The following PCDHA12 variants were observed in gnomAD, a reference collection of about 807,000 sequenced individuals.
PCDHA12 encodes the protein protocadherin alpha 12.
PCDHA12 carries 44 observed loss-of-function variants against 60.0 expected under a neutral mutation model. That is an observed-to-expected ratio of 0.73 (90% CI 0.58 to 0.94). The LOEUF (loss-of-function observed/expected upper bound fraction) is 0.94, where lower values mean the gene tolerates loss of function less well. Ranked by LOEUF, PCDHA12 falls within the 40% of genes least tolerant of loss-of-function variation. The pLI, the probability that PCDHA12 is intolerant of heterozygous loss-of-function variation, is 0.00. For missense variants in PCDHA12, 1,276 were observed against 1,239.7 expected, an observed-to-expected ratio of 1.03 and a Z score of -0.44; for synonymous variants, 569 against 553.0, an observed-to-expected ratio of 1.03 and a Z score of -0.40.
chr5:140,881,505 CACAT>C (rs2058738073), intron 1 of PCDHA12: 1 of 242,822 alleles, frequency 4.1e-6, no homozygotes, highest in African/African-American at 2.3e-5. Flanking sequence ...TACACACACT[CACAT>C]ACAAAATCCC....
At chr5:140,978,799 A>C (rs2096824173) in intron 1 of PCDHA12, 150 bp from the exon 2 acceptor site, 2 of 1,479,066 alleles carry the variant, frequency 1.4e-6, no homozygotes, top group East Asian at 4.9e-5. Flanking sequence ...ATATATGTAG[A>C]TATCATCATA....
intron 1 of PCDHA12, among the ~76,000 whole-genome samples, chr5:140,920,717 G>A (rs1042476401): frequency 1.3e-5 from 2 of 152,044 alleles, no homozygotes; most frequent in African/African-American, 2.4e-5. Flanking sequence ...GGTGGTGTGC[G>A]CCTGCAGTCC....
intron 1 of PCDHA12, among the ~76,000 whole-genome samples, chr5:140,919,973 A>T (rs1554199334): frequency 7.5e-6 from 1 of 133,994 alleles, no homozygotes; most frequent in Non-Finnish European, 1.7e-5. Context: ...TAAATAAGAG[A>T]TAGAAGATGG....
intron 1 of PCDHA12, chr5:140,929,617 A>C: frequency 2.5e-6 from 1 of 401,992 alleles, no homozygotes; most frequent in Non-Finnish European, 4.5e-6. Context: ...AAATACCAAA[A>C]TATTTTATAA....
At chr5:140,903,403 C>T (rs2070268499) in intron 1 of PCDHA12, among the ~76,000 whole-genome samples, 1 of 152,156 alleles carries the variant, frequency 6.6e-6, no homozygotes, top group Non-Finnish European at 1.5e-5. Flanking sequence ...AACAGTAGTG[C>T]AGTCAGGAAA....
intron 3 of PCDHA12, among the ~76,000 whole-genome samples, chr5:141,008,262 G>T (rs1178355094): frequency 6.6e-6 from 1 of 152,198 alleles, no homozygotes; most frequent in Non-Finnish European, 1.5e-5. Flanking sequence ...AGGAGACTGA[G>T]AAGTAATAGG....
intron 1 of PCDHA12, chr5:140,881,225 T>C (rs1026658425): frequency 9.3e-5 from 25 of 267,532 alleles, no homozygotes; most frequent in Non-Finnish European, 1.4e-4. Context: ...TCTTGGAAAA[T>C]TAAAGTCAAT....
chr5:140,970,748 A>G (rs2096429835), intron 1 of PCDHA12, among the ~76,000 whole-genome samples: 1 of 152,130 alleles, frequency 6.6e-6, no homozygotes, highest in African/African-American at 2.4e-5. Context: ...TTTGCAATAT[A>G]TTTTCATTGA....
intron 1 of PCDHA12, chr5:140,927,592 G>T: frequency 6.2e-7 from 1 of 1,614,170 alleles, no homozygotes; most frequent in Admixed American, 1.7e-5. Context: ...GCCTGTATTT[G>T]AGCGCTCCGT....
chr5:140,908,626 T>A (rs1162805222), intron 1 of PCDHA12, among the ~76,000 whole-genome samples: 3 of 152,020 alleles, frequency 2.0e-5, no homozygotes, highest in African/African-American at 4.8e-5. Context: ...ATCCTTGAGG[T>A]CTCCACTGTG....
Position 140,927,144 on chromosome 5 carries a change from A to T in PCDHA12, c.2367+49305A>T, listed in dbSNP as rs116743674. 1.1e-5 allele frequency: 18 copies of T among 1,614,102 alleles called. No individual in the cohort carries two copies. The South Asian group carries it at 1.9e-4, about 17-fold the overall frequency. On this transcript the variant is annotated intron_variant, in intron 1 of 3. Transcript: ENST00000398631. Reference sequence around the variant, plus strand: ...TGGTCAGAGAGCCGGCGGACCGCGAACAGCTGTGCAGGGCCAAAGCTGCCT... The same window carrying T: ...TGGTCAGAGAGCCGGCGGACCGCGATCAGCTGTGCAGGGCCAAAGCTGCCT...
Position 140,999,346 on chromosome 5 carries a change from T to C in PCDHA12, c.2516-10281T>C, listed in dbSNP as rs115221132. ...ATCTGTGTGATTTATAAGCCTTGTC[T>C]CTTTTTAATGTTCACAATCCCATTA... On this transcript the variant is annotated intron_variant, in intron 3 of 3. Transcript: ENST00000398631. Among the ~76,000 whole-genome samples the C allele has an allele frequency of 2.6e-3, 399 of 152,360 alleles. 2 individuals are homozygous for C. In the Middle Eastern group the frequency reaches 0.041, roughly 16 times the overall value.
chr5:140,879,557 T>C (rs1554170871), intron 1 of PCDHA12, among the ~76,000 whole-genome samples: 1 of 152,152 alleles, frequency 6.6e-6, no homozygotes, highest in Non-Finnish European at 1.5e-5. Flanking sequence ...AAATAATCCA[T>C]GAAAGAATAA....
intron 1 of PCDHA12, among the ~76,000 whole-genome samples, chr5:140,959,119 G>A (rs576475580): frequency 3.3e-5 from 5 of 152,160 alleles, no homozygotes; most frequent in East Asian, 3.9e-4. Context: ...GAAGGTGGGC[G>A]AGGTGAGCCC....
intron 3 of PCDHA12, among the ~76,000 whole-genome samples, chr5:140,994,117 G>C (rs889813029): frequency 6.6e-6 from 1 of 152,198 alleles, no homozygotes; most frequent in Non-Finnish European, 1.5e-5. Flanking sequence ...ATTGTCATGT[G>C]ATAAGGGCGA....
chr5:140,940,509 C>T lies in PCDHA12; in HGVS notation c.2368-38440C>T, dbSNP rs556405860. ...GACAAGTCTTGCTCCGTCGCTCAGG[C>T]GTGATCATAGCTCACTGCAATCTTG... On this transcript the variant is annotated intron_variant, in intron 1 of 3. Coordinates refer to ENST00000398631, the MANE Select transcript of PCDHA12 (RefSeq NM_018903.4). 2.0e-5 allele frequency among the ~76,000 whole-genome samples: 3 copies of T among 152,086 alleles called. No individual in the cohort carries two copies. In the South Asian group the frequency reaches 6.2e-4, roughly 32 times the overall value.
intron 1 of PCDHA12, among the ~76,000 whole-genome samples, chr5:140,941,214 C>CTTTCTTT (rs1554214039): frequency 0.058 from 7,135 of 122,220 alleles, 362 homozygotes; most frequent in South Asian, 0.079. Context: ...TTTCTTTCTT[C>CTTTCTTT]CTTTCTTTCT....
In PCDHA12 at chr5:140,877,633, C is replaced by A. The variant is rs1366996546; in HGVS notation, c.2161C>A (p.Leu721Met). The change falls in exon 1 of 4, where the codon CTG becomes ATG. Residue 721 changes from leucine to methionine, a missense_variant. Physicochemically the swap from Leu to Met is conservative, Grantham distance 15 (BLOSUM62 2). Transcript: ENST00000398631. ...LVLTLLLYTA[L>M]RCSAPPTVSR... ...GCTCACGCTGCTGCTGTACACTGCG[C>A]TGCGTTGCTCAGCGCCGCCCACCGT... 4.3e-6 allele frequency: 7 copies of A among 1,613,622 alleles called. No individual in the cohort carries two copies. Among genetic ancestry groups the A allele is most frequent in the Non-Finnish European group, 5.1e-6 (6 of 1,179,864 alleles).
chr5:140,883,137 T>C (rs2153390787), intron 1 of PCDHA12: 1 of 1,614,036 alleles, frequency 6.2e-7, no homozygotes, highest in Admixed American at 1.7e-5. Flanking sequence ...CCTGCAGTGG[T>C]ATATGCATTT....
Sources: gnomAD v4.1 joint callset for allele counts (sites outside exome capture counted in the v4.1 genomes callset) on GRCh38, gnomAD v4.1.1 for gene constraint, MANE v1.5 for transcripts, NCBI Gene and HGNC (gene_info 2026-07-23, HGNC 2026-07-21) for gene names.